KLHL23: variants seen among roughly 807,000 people sequenced by gnomAD.
The protein encoded by KLHL23 is kelch-like protein 23.
In KLHL23, 33 loss-of-function variants were observed where a neutral mutation model predicts 48.9. The ratio of observed to expected loss-of-function variants is 0.67; its 90% confidence interval spans 0.51 to 0.90. The LOEUF is 0.90. Ranked by LOEUF, KLHL23 falls within the 40% of genes least tolerant of loss-of-function variation. The pLI, the probability that KLHL23 is intolerant of heterozygous loss-of-function variation, is 0.00. For missense variants in KLHL23, 608 were observed against 669.6 expected, an observed-to-expected ratio of 0.91 and a Z score of 1.02; for synonymous variants, 234 against 231.6, an observed-to-expected ratio of 1.01 and a Z score of -0.09.
At chr2:169,747,432 G>A (rs1688821819) in intron 3 of KLHL23, among the ~76,000 whole-genome samples, 4 of 133,722 alleles carry the variant, frequency 3.0e-5, no homozygotes, top group Non-Finnish European at 3.2e-5. Context: ...TTACTGGTAA[G>A]AAGTTGTCTT....
intron 3 of KLHL23, among the ~76,000 whole-genome samples, chr2:169,742,897 AAC>A (rs1688709428): frequency 6.6e-6 from 1 of 152,260 alleles, no homozygotes; most frequent in African/African-American, 2.4e-5. Flanking sequence ...GGCAGGCACA[AAC>A]TATTCCAGTA....
rs147460832 is a variant in KLHL23 at position 169,751,298 on chromosome 2, CAA to C, written c.*1567_*1568del. On this transcript the variant is annotated 3_prime_UTR_variant, in exon 4 of 4. Transcript: ENST00000392647. ...ACACTCTTCATTTTTTAAAAAGAGACAATAATTATTTTTAACTCACTGAAGTT... is the reference window on the plus strand; with the variant it reads ...ACACTCTTCATTTTTTAAAAAGAGACTAATTATTTTTAACTCACTGAAGTT... 5.8e-3 allele frequency: 887 copies of C among 152,200 alleles called. 7 individuals carry two copies. Among genetic ancestry groups the C allele is most frequent in the African/African-American group, 0.02 (834 of 41,512 alleles). 9.4% of individuals were successfully genotyped at this position (152,200 alleles called of 1,614,324 possible).
intron 2 of KLHL23, among the ~76,000 whole-genome samples, chr2:169,739,367 A>G (rs1688619423): frequency 6.6e-6 from 1 of 152,114 alleles, no homozygotes; most frequent in African/African-American, 2.4e-5. Context: ...AATTAAATCC[A>G]GATTCTTTGT....
Position 169,735,252 on chromosome 2 carries a change from C to T in KLHL23, c.238C>T (p.Leu80Phe). The change falls in exon 2 of 4, where the codon CTC becomes TTC. Residue 80 changes from leucine (L) to phenylalanine (F), a missense_variant. This residue lies in a region of KLHL23 where 419 missense variants were observed against 473.1 expected (regional missense o/e 0.89). Coordinates refer to ENST00000392647, the MANE Select transcript of KLHL23 (RefSeq NM_144711.6). The surrounding 1 kb of genome is among the most constrained non-coding windows in gnomAD (Gnocchi z 4.5). ...AGAAAAATTTAAAAATAAAATAAAA[C>T]TCTCTGGCATCCACCATGATATTCT... Reference protein sequence around the residue: ...MKEKFKNKIKLSGIHHDILEG... With the variant: ...MKEKFKNKIKFSGIHHDILEG... 1 of 1,603,634 alleles carries T rather than the reference C, an allele frequency of 6.2e-7. No homozygotes were observed.
In KLHL23 at chr2:169,750,488, A is replaced by T. The variant is rs565049965; in HGVS notation, c.*756A>T. The T allele has an allele frequency of 3.4e-4, 51 of 151,594 alleles. No homozygotes were observed. The highest frequency in any genetic ancestry group is 1.2e-3 in the African/African-American group (48 of 41,354). The allele number at this position is 151,594 out of a possible 1,614,324, so 9.4% of individuals were successfully genotyped here. Reference sequence around the variant, plus strand: ...AGACCCTGTCTCAAAAAAAAAAAAAAATCAATTTAGCTAGCAGGAATTTGA... The same window carrying T: ...AGACCCTGTCTCAAAAAAAAAAAAATATCAATTTAGCTAGCAGGAATTTGA... On this transcript the variant is annotated 3_prime_UTR_variant, in exon 4 of 4. Coordinates refer to ENST00000392647, the MANE Select transcript of KLHL23 (RefSeq NM_144711.6).
At chr2:169,741,569 T>C in intron 3 of KLHL23, 32 bp downstream of exon 3, 2 of 1,585,166 alleles carry the variant, frequency 1.3e-6, no homozygotes, top group Middle Eastern at 3.4e-4. Context: ...ATAGTGTATG[T>C]TGTGATGTAG....
chr2:169,735,127 T>C lies in KLHL23; in HGVS notation c.113T>C (p.Ile38Thr), dbSNP rs368269953. The change falls in exon 2 of 4, where the codon ATT becomes ACT. Residue 38 changes from isoleucine to threonine, a missense_variant. By Grantham distance (89) the Ile-to-Thr change is moderately conservative (BLOSUM62 -1). Coordinates refer to ENST00000392647, the MANE Select transcript of KLHL23 (RefSeq NM_144711.6). This position sits in a 1 kb window ranked among gnomAD's most constrained non-coding sequence, Gnocchi z 4.5. Reference protein sequence around the residue: ...TFYLDGLFTDITLQCPSGIIF... With the variant: ...TFYLDGLFTDTTLQCPSGIIF... ...TACTTGGATGGATTATTTACTGATATTACTCTTCAGTGTCCTTCAGGCATA... is the reference window on the plus strand; with the variant it reads ...TACTTGGATGGATTATTTACTGATACTACTCTTCAGTGTCCTTCAGGCATA... The C allele has an allele frequency of 6.2e-7, 1 of 1,612,852 alleles. No individual in the cohort carries two copies. The highest frequency in any genetic ancestry group is 8.5e-7 in the Non-Finnish European group (1 of 1,179,790).
intron 2 of KLHL23, among the ~76,000 whole-genome samples, chr2:169,737,619 C>CTTTTTTT (rs1553476626): frequency 1.4e-5 from 2 of 142,600 alleles, no homozygotes; most frequent in Admixed American, 7.0e-5. Flanking sequence ...TTTTCTTTTT[C>CTTTTTTT]TTTTTTTTTT....
At chr2:169,742,994 G>T (rs1688712764) in intron 3 of KLHL23, among the ~76,000 whole-genome samples, 2 of 152,168 alleles carry the variant, frequency 1.3e-5, no homozygotes, top group Non-Finnish European at 2.9e-5. Context: ...GACACTGAGG[G>T]TCAAAGAGAT....
In KLHL23 at chr2:169,749,913, T is replaced by TTATATATATATATATATA. The variant is rs72113382; in HGVS notation, c.*182_*199dup. On this transcript the variant is annotated 3_prime_UTR_variant, in exon 4 of 4. Coordinates refer to ENST00000392647, the MANE Select transcript of KLHL23 (RefSeq NM_144711.6). ...TGGTGATTCATGGTCAAGAAAAATC[T>TTATATATATATATATATA]TATATATATATATATATACACACAC... The TTATATATATATATATATA allele has an allele frequency of 6.5e-3, 1,430 of 218,462 alleles. 9 individuals are homozygous for TTATATATATATATATATA. The highest frequency in any genetic ancestry group is 0.013 in the African/African-American group (302 of 22,762). The allele number at this position is 218,462 out of a possible 1,614,324, so 13.5% of individuals were successfully genotyped here. A position where few individuals can be genotyped will look rare whatever the true frequency, so the allele number is the denominator to read the frequency against.
Position 169,734,895 on chromosome 2 carries a change from G to A in KLHL23, c.-2-118G>A, listed in dbSNP as rs542685821. On this transcript the variant is annotated intron_variant, in intron 1 of 3. Coordinates refer to ENST00000392647, the MANE Select transcript of KLHL23 (RefSeq NM_144711.6). Reference sequence around the variant, plus strand: ...ATCCACATTTTGCATTTATTATTTAGATGCTGAACTTAGTCCAGTTTTGGA... The same window carrying A: ...ATCCACATTTTGCATTTATTATTTAAATGCTGAACTTAGTCCAGTTTTGGA... 144 of 1,314,378 alleles carry A rather than the reference G, an allele frequency of 1.1e-4. No homozygotes were observed. In the Middle Eastern group the frequency reaches 1.7e-3, roughly 15 times the overall value. 81.4% of individuals were successfully genotyped at this position (1,314,378 alleles called of 1,614,324 possible).
intron 2 of KLHL23, among the ~76,000 whole-genome samples, chr2:169,740,597 C>A (rs2105648261): frequency 1.3e-5 from 2 of 150,664 alleles, no homozygotes; most frequent in South Asian, 2.1e-4. Flanking sequence ...TACAGGCGCC[C>A]ACCACCACGT....
rs563280799 is a variant in KLHL23, at chr2:169,745,567, G to A, written c.1367-3855G>A. Among the ~76,000 whole-genome samples the A allele has an allele frequency of 2.6e-5, 4 of 151,044 alleles. 1 individual carries two copies. Among genetic ancestry groups the A allele is most frequent in the African/African-American group, 9.7e-5 (4 of 41,214 alleles). On this transcript the variant is annotated intron_variant, in intron 3 of 3. Coordinates refer to ENST00000392647, the MANE Select transcript of KLHL23 (RefSeq NM_144711.6). ...AAGAGAACTCCTTTTAGGTAGATTG[G>A]GAGAAAGACAGCAAGGGGATCTACT...
At chr2:169,740,768 A>T (rs199955864) in intron 2 of KLHL23, among the ~76,000 whole-genome samples, 89 of 41,758 alleles carry the variant, frequency 2.1e-3, no homozygotes, top group South Asian at 6.4e-3. Flanking sequence ...TTTTTATATT[A>T]TATATATATA....
At chr2:169,737,666 A>G (rs1292366277) in intron 2 of KLHL23, among the ~76,000 whole-genome samples, 1 of 150,500 alleles carries the variant, frequency 6.6e-6, no homozygotes, top group Non-Finnish European at 1.5e-5. Context: ...CCAGGCTGGA[A>G]TGCAGTGGCG....
Position 169,749,930 on chromosome 2 carries a change from TACACAC to T in KLHL23, c.*204_*209del, listed in dbSNP as rs1169471797. ...GAAAAATCTTATATATATATATATATACACACACACATATATGTGTTCATATATATG... is the reference window on the plus strand; with the variant it reads ...GAAAAATCTTATATATATATATATATACACATATATGTGTTCATATATATG... On this transcript the variant is annotated 3_prime_UTR_variant, in exon 4 of 4. Coordinates refer to ENST00000392647, the MANE Select transcript of KLHL23 (RefSeq NM_144711.6). The T allele has an allele frequency of 2.3e-4, 20 of 86,168 alleles. No individual in the cohort carries two copies. The highest frequency in any genetic ancestry group is 3.4e-4 in the African/African-American group (5 of 14,656). The allele number at this position is 86,168 out of a possible 1,614,324, so 5.3% of individuals were successfully genotyped here. A position where few individuals can be genotyped will look rare whatever the true frequency, so the allele number is the denominator to read the frequency against.
At position 169,750,234 on chromosome 2, in the gene KLHL23, A is replaced by G. The variant is rs1324258655; in HGVS notation, c.*502A>G. On this transcript the variant is annotated 3_prime_UTR_variant, in exon 4 of 4. Transcript: ENST00000392647. The stretch of plus-strand genomic sequence containing the variant: ...AATATAGAATATTTGACACTTGGTA[A>G]AAGGTGAACTACCTTTGTAGTGAAT... The G allele has an allele frequency of 6.5e-6, 1 of 153,772 alleles. No homozygotes were observed. The highest frequency in any genetic ancestry group is 1.5e-5 in the Non-Finnish European group (1 of 68,128). 9.5% of individuals were successfully genotyped at this position (153,772 alleles called of 1,614,324 possible). A position where few individuals can be genotyped will look rare whatever the true frequency, so the allele number is the denominator to read the frequency against.
chr2:169,743,775 G>A (rs114491135), intron 3 of KLHL23, among the ~76,000 whole-genome samples: 1,774 of 152,280 alleles, frequency 0.012, 49 homozygotes, highest in African/African-American at 0.041. Flanking sequence ...GGCCTGTGCC[G>A]TTGTTTTTCT....
Position 169,735,402 on chromosome 2 carries a change from T to C in KLHL23, c.388T>C (p.Leu130=). The change falls in exon 2 of 4, where the codon TTG becomes CTG. Residue 130 remains leucine (L), a synonymous_variant. Coordinates refer to ENST00000392647, the MANE Select transcript of KLHL23 (RefSeq NM_144711.6). This position sits in a 1 kb window ranked among gnomAD's most constrained non-coding sequence, Gnocchi z 4.5. ...LSVKKACERF[L]VRHLDIDNCI... is the part of the protein sequence containing the mutation. ...AGTAAAGAAGGCTTGTGAGCGGTTT[T>C]TGGTAAGGCACTTGGATATTGATAA... The C allele has an allele frequency of 6.2e-7, 1 of 1,613,690 alleles. No individual in the cohort carries two copies. Among genetic ancestry groups the C allele is most frequent in the Non-Finnish European group, 8.5e-7 (1 of 1,179,958 alleles).
Sources: allele counts gnomAD v4.1 joint callset (sites outside exome capture counted in the v4.1 genomes callset), GRCh38; gene constraint gnomAD v4.1.1; regional missense constraint gnomAD v4.1.1; non-coding constraint Gnocchi (gnomAD v3.1); transcripts MANE v1.5; gene names NCBI Gene and HGNC (gene_info 2026-07-23, HGNC 2026-07-21).